Variants in RPGRIP1 observed in about 807,000 individuals in gnomAD.
RPGRIP1 encodes the protein RPGR interacting protein 1.
A neutral mutation model predicts 157.9 loss-of-function variants in RPGRIP1; 128 were observed. The ratio of observed to expected loss-of-function variants is 0.81; its 90% CI spans 0.70 to 0.94. The LOEUF (loss-of-function observed/expected upper bound fraction) is 0.94, where lower values mean the gene tolerates loss of function less well. Ranked by LOEUF, RPGRIP1 falls within the 40% of genes least tolerant of loss-of-function variation. RPGRIP1 has a pLI of 0.00. For missense variants in RPGRIP1, 1,486 were observed against 1,545.8 expected, an observed-to-expected ratio of 0.96 and a Z score of 0.65; for synonymous variants, 554 against 571.6, an observed-to-expected ratio of 0.97 and a Z score of 0.44.
rs1235474621 is a variant in RPGRIP1, at chr14:21,312,419, A to G, written c.1078-14A>G. On this transcript the variant is annotated splice_polypyrimidine_tract_variant and intron_variant, in intron 9 of 24. Coordinates refer to ENST00000400017, the MANE Select transcript of RPGRIP1 (RefSeq NM_020366.4). ...ATTTTAACATTTTATCTCAAGGGCT[A>G]CTATCACTCTTAGTTTCAGGAGAGA... 8.9e-6 allele frequency: 14 copies of G among 1,579,500 alleles called. No individual in the cohort carries two copies. The highest frequency in any genetic ancestry group is 8.7e-7 in the Non-Finnish European group (1 of 1,151,526).
At chr14:21,314,149 T>C (rs1881664766) in intron 10 of RPGRIP1, among the ~76,000 whole-genome samples, 1 of 151,904 alleles carries the variant, frequency 6.6e-6, no homozygotes, top group Non-Finnish European at 1.5e-5. Flanking sequence ...TGTTTTGCCA[T>C]GTTGCCCAGG....
rs1459855378 is a variant in RPGRIP1, at chr14:21,330,381, G to A, written c.3232G>A (p.Val1078Ile). The A allele has an allele frequency of 1.3e-6, 2 of 1,515,904 alleles. No homozygotes were observed. Among genetic ancestry groups the A allele is most frequent in the Non-Finnish European group, 8.8e-7 (1 of 1,139,024 alleles). 93.9% of individuals were successfully genotyped at this position (1,515,904 alleles called of 1,614,324 possible). Residue 1078 changes from valine to isoleucine, a missense_variant, in exon 20 of 25, where the codon GTA becomes ATA. Physicochemically the swap from Val to Ile is conservative, Grantham distance 29. Transcript: ENST00000400017. ...ALKQKEPLHPVNDKESSEQGS... is the reference protein window; with the variant it reads ...ALKQKEPLHPINDKESSEQGS... ...GAAACAGAAGGAACCTCTACATCCT[G>A]TAAATGGTATTGTCTTTTAAAATCT...
intron 21 of RPGRIP1, among the ~76,000 whole-genome samples, chr14:21,342,388 TA>T (rs572039175): frequency 2.1e-4 from 32 of 151,662 alleles, no homozygotes; most frequent in Non-Finnish European, 3.8e-4. Flanking sequence ...ATTAAAAAAA[TA>T]AAAATAATTG....
At chr14:21,300,830 T>A (rs997890621) in intron 3 of RPGRIP1, 136 bp from the exon 4 acceptor site, 7 of 1,010,004 alleles carry the variant, frequency 6.9e-6, no homozygotes, top group Admixed American at 2.7e-5. Context: ...AGAAGGCTAA[T>A]CTTTTTAAAG....
At chr14:21,343,866 G>GTTTTTTTTTCTTTTTTTTT (rs1885274978) in intron 22 of RPGRIP1, among the ~76,000 whole-genome samples, 1 of 50,422 alleles carries the variant, frequency 2.0e-5, no homozygotes, top group African/African-American at 7.7e-5. Flanking sequence ...CTCTTTTCCT[G>GTTTTTTTTTCTTTTTTTTT]TTTTTTTTTT....
chr14:21,325,637 C>T (rs914419972), intron 16 of RPGRIP1, 194 bp from the exon 17 acceptor site: 59 of 631,076 alleles, frequency 9.3e-5, no homozygotes, highest in South Asian at 8.5e-5. Context: ...TAAGTTAAGT[C>T]GTGAGTGCCA....
In RPGRIP1 at chr14:21,325,962, C is replaced by T. The variant is rs756306567; in HGVS notation, c.2499C>T (p.Asp833=). The T allele has an allele frequency of 6.2e-6, 10 of 1,613,878 alleles. No individual in the cohort carries two copies. In the African/African-American group the frequency reaches 1.1e-4, roughly 17 times the overall value. ...YAVYRFFTFS[D]HDTAIIPASN... is the part of the protein sequence containing the mutation. ...TGTACCGCTTCTTCACCTTTTCTGA[C>T]CATGACACTGCCATCATTCCAGCCA... Residue 833 remains aspartate (D), a synonymous_variant, in exon 17 of 25, where the codon GAC becomes GAT. Coordinates refer to ENST00000400017, the MANE Select transcript of RPGRIP1 (RefSeq NM_020366.4).
intron 12 of RPGRIP1, among the ~76,000 whole-genome samples, 175 bp downstream of exon 12, chr14:21,320,352 C>G (rs1566682514): frequency 6.6e-6 from 1 of 151,994 alleles, no homozygotes; most frequent in Non-Finnish European, 1.5e-5. Context: ...TGCAGTGGCG[C>G]GATCTCGGCT....
chr14:21,337,298 A>G (rs1394478341), intron 21 of RPGRIP1, among the ~76,000 whole-genome samples: 1 of 152,178 alleles, frequency 6.6e-6, no homozygotes, highest in African/African-American at 2.4e-5. Context: ...AAGTATACCC[A>G]TCTGATACTG....
At chr14:21,297,042 C>G (rs556313296) in intron 3 of RPGRIP1, among the ~76,000 whole-genome samples, 8 of 151,810 alleles carry the variant, frequency 5.3e-5, no homozygotes, top group African/African-American at 1.9e-4. Flanking sequence ...AAATAAGTTG[C>G]CTGAGATCAT....
chr14:21,312,545 G>A, intron 10 of RPGRIP1, 39 bp downstream of exon 10: 1 of 1,346,930 alleles, frequency 7.4e-7, no homozygotes, highest in Non-Finnish European at 1.1e-6. Flanking sequence ...GTGTTACTAT[G>A]AAAGACATTA....
At chr14:21,290,767 C>A (rs1408905448) in intron 2 of RPGRIP1, among the ~76,000 whole-genome samples, 1 of 150,328 alleles carries the variant, frequency 6.7e-6, no homozygotes, top group Non-Finnish European at 1.5e-5. Flanking sequence ...TGCAGTGAGC[C>A]GAGATCGCGC....
At chr14:21,344,727 C>T (rs904454082) in intron 22 of RPGRIP1, among the ~76,000 whole-genome samples, 1 of 152,168 alleles carries the variant, frequency 6.6e-6, no homozygotes, top group Non-Finnish European at 1.5e-5. Flanking sequence ...GGGCAGATTA[C>T]TTGAGGTCAG....
intron 11 of RPGRIP1, among the ~76,000 whole-genome samples, chr14:21,318,866 C>G (rs547437505): frequency 1.4e-4 from 21 of 149,010 alleles, no homozygotes; most frequent in African/African-American, 4.9e-4. Flanking sequence ...CCATCCAATT[C>G]TTGAAATTGA....
At chr14:21,281,045 A>ATC (rs1013593944) in intron 1 of RPGRIP1, among the ~76,000 whole-genome samples, 9 of 150,622 alleles carry the variant, frequency 6.0e-5, no homozygotes, top group Admixed American at 2.0e-4. Flanking sequence ...TTGAGACAGA[A>ATC]TCTCTCTCTC....
intron 2 of RPGRIP1, among the ~76,000 whole-genome samples, chr14:21,292,012 C>T (rs532930625): frequency 6.6e-6 from 1 of 152,238 alleles, no homozygotes; most frequent in Non-Finnish European, 1.5e-5. Context: ...CCGGCCTCAG[C>T]CTCCCAAAGT....
rs1882902603 is a variant in RPGRIP1 at position 21,324,934 on chromosome 14, C to T, written c.2079C>T (p.Tyr693=). 2 of 1,613,908 alleles carry T rather than the reference C, an allele frequency of 1.2e-6. No homozygotes were observed. Among genetic ancestry groups the T allele is most frequent in the Non-Finnish European group, 1.7e-6 (2 of 1,179,906 alleles). Reference sequence around the variant, plus strand: ...AGACAGATTCGCTTTTCTTACACTACCTTCAAGAGGCTTCAGCCCGGCTTG... The same window carrying T: ...AGACAGATTCGCTTTTCTTACACTATCTTCAAGAGGCTTCAGCCCGGCTTG... ...VMETDSLFLH[Y]LQEASARLDI... The change falls in exon 15 of 25, where the codon TAC becomes TAT. Residue 693 remains tyrosine (Y), a synonymous_variant. Coordinates refer to ENST00000400017, the MANE Select transcript of RPGRIP1 (RefSeq NM_020366.4).
intron 7 of RPGRIP1, among the ~76,000 whole-genome samples, chr14:21,309,140 A>G (rs1018206030): frequency 2.6e-5 from 4 of 152,222 alleles, no homozygotes; most frequent in Admixed American, 2.6e-4. Flanking sequence ...AAAGGACGAG[A>G]AAACTTTCCA....
intron 12 of RPGRIP1, among the ~76,000 whole-genome samples, chr14:21,321,027 C>G (rs921650697): frequency 6.6e-6 from 1 of 152,216 alleles, no homozygotes; most frequent in Non-Finnish European, 1.5e-5. Flanking sequence ...TTGAAAAGAT[C>G]TGTGGAAGAG....
Sources: gnomAD v4.1 joint callset for allele counts (sites outside exome capture counted in the v4.1 genomes callset) on GRCh38, gnomAD v4.1.1 for gene constraint, MANE v1.5 for transcripts, NCBI Gene and HGNC (gene_info 2026-07-23, HGNC 2026-07-21) for gene names.